SORCS3: variants seen among roughly 807,000 people sequenced by gnomAD.
The protein encoded by SORCS3 is sortilin related VPS10 domain containing receptor 3.
SORCS3 carries 57 observed loss-of-function variants against 146.3 expected under a neutral mutation model. That is an observed-to-expected ratio of 0.39 (90% CI 0.31 to 0.49). The LOEUF is 0.49. Ranked by LOEUF, SORCS3 falls within the 20% of genes least tolerant of loss-of-function variation. SORCS3 has a pLI of 0.92. For missense variants in SORCS3, 1,341 were observed against 1,575.5 expected (o/e 0.85, Z 2.52); for synonymous variants, 653 against 618.5 (o/e 1.06, Z -0.83).
chr10:105,249,768 C>T (rs368490863), intron 22 of SORCS3, among the ~76,000 whole-genome samples: 1 of 151,942 alleles, frequency 6.6e-6, no homozygotes, highest in Non-Finnish European at 1.5e-5. Flanking sequence ...TGCTGGTAGT[C>T]CCAGCTACTC....
chr10:104,943,685 AT>A (rs1357456898), intron 3 of SORCS3, among the ~76,000 whole-genome samples: 1 of 152,206 alleles, frequency 6.6e-6, no homozygotes, highest in Admixed American at 6.5e-5. Flanking sequence ...GGAAATTCTA[AT>A]GGACTTTTTC....
intron 7 of SORCS3, among the ~76,000 whole-genome samples, chr10:105,121,155 T>C (rs546615697): frequency 4.6e-5 from 7 of 152,180 alleles, no homozygotes; most frequent in Non-Finnish European, 1.0e-4. Context: ...TCCAAAGCAA[T>C]GGTTATTTGG....
chr10:104,741,700 G>GTTTT lies in SORCS3; in HGVS notation c.627+99775_627+99778dup, dbSNP rs71022746. ...CTTTCCTCTTTCCTTTCCATTCTGG[G>GTTTT]TTTTTTTTTTTTTTTTTTTTTTTTT... On this transcript the variant is annotated intron_variant, in intron 1 of 26. Transcript: ENST00000369701. Among the ~76,000 whole-genome samples the GTTTT allele has an allele frequency of 5.2e-3, 17 of 3,264 alleles. 5 individuals are homozygous for GTTTT. The highest frequency in any genetic ancestry group is 7.9e-3 in the Non-Finnish European group (14 of 1,782). 2.1% of individuals were successfully genotyped at this position (3,264 alleles called of 152,430 possible).
At chr10:105,231,504 T>G (rs2056765425) in intron 20 of SORCS3, among the ~76,000 whole-genome samples, 1 of 152,198 alleles carries the variant, frequency 6.6e-6, no homozygotes, top group Non-Finnish European at 1.5e-5. Context: ...ATATAACTTT[T>G]GTTTATTTTC....
chr10:104,995,251 C>T (rs1188322978), intron 4 of SORCS3, among the ~76,000 whole-genome samples: 2 of 151,406 alleles, frequency 1.3e-5, no homozygotes, highest in African/African-American at 4.9e-5. Flanking sequence ...ACTTTGCCTC[C>T]CGGGTTCAAG....
intron 5 of SORCS3, among the ~76,000 whole-genome samples, chr10:105,079,277 G>A (rs2055608234): frequency 6.6e-6 from 1 of 152,144 alleles, no homozygotes; most frequent in African/African-American, 2.4e-5. Flanking sequence ...CTGGAAGTAG[G>A]GCCTATGCAT....
At chr10:104,793,282 C>T (rs374450564) in intron 1 of SORCS3, among the ~76,000 whole-genome samples, 1 of 152,044 alleles carries the variant, frequency 6.6e-6, no homozygotes, top group Non-Finnish European at 1.5e-5. Flanking sequence ...AGCCAGTAAC[C>T]CGTGAACCTA....
chr10:105,217,402 A>G (rs2056672040), intron 19 of SORCS3, among the ~76,000 whole-genome samples: 1 of 152,168 alleles, frequency 6.6e-6, no homozygotes, highest in Non-Finnish European at 1.5e-5. Context: ...ATTCAGGTAA[A>G]AGTCTCCTCT....
chr10:105,183,141 G>A (rs1473066625), intron 14 of SORCS3, among the ~76,000 whole-genome samples: 1 of 152,206 alleles, frequency 6.6e-6, no homozygotes, highest in Non-Finnish European at 1.5e-5. Context: ...GAGCAGACAT[G>A]GAGTGGTAGG....
At chr10:105,194,331 CA>C (rs1349252145) in intron 14 of SORCS3, among the ~76,000 whole-genome samples, 1 of 152,138 alleles carries the variant, frequency 6.6e-6, no homozygotes, top group Non-Finnish European at 1.5e-5. Context: ...AGGATTCCAA[CA>C]GTAAAAATGA....
At chr10:105,235,436 C>G (rs1017948971) in intron 20 of SORCS3, among the ~76,000 whole-genome samples, 20 of 141,232 alleles carry the variant, frequency 1.4e-4, no homozygotes, top group Non-Finnish European at 2.5e-4. Flanking sequence ...AACTCTCAGA[C>G]TGTGTGTGTG....
At chr10:105,224,700 A>C (rs1416939170) in intron 20 of SORCS3, among the ~76,000 whole-genome samples, 2 of 152,224 alleles carry the variant, frequency 1.3e-5, no homozygotes, top group East Asian at 1.9e-4. Flanking sequence ...TTGGATTTCC[A>C]CCACCAATGA....
At chr10:104,802,977 A>G (rs954840760) in intron 1 of SORCS3, among the ~76,000 whole-genome samples, 10 of 151,466 alleles carry the variant, frequency 6.6e-5, no homozygotes, top group African/African-American at 9.7e-5. Context: ...GAGGGGAGGT[A>G]GTTCTGCTCC....
chr10:105,021,708 G>C (rs755785258), intron 4 of SORCS3, among the ~76,000 whole-genome samples: 3 of 152,078 alleles, frequency 2.0e-5, no homozygotes, highest in Non-Finnish European at 4.4e-5. Flanking sequence ...GCCCTTACAA[G>C]TACCAGGAAG....
At chr10:105,160,928 G>T (rs2056256782) in intron 11 of SORCS3, among the ~76,000 whole-genome samples, 1 of 152,082 alleles carries the variant, frequency 6.6e-6, no homozygotes, top group African/African-American at 2.4e-5. Flanking sequence ...TAAAACTGTG[G>T]GGGTGTTGTA....
intron 5 of SORCS3, among the ~76,000 whole-genome samples, chr10:105,068,532 GCTT>G (rs1416417837): frequency 4.6e-5 from 7 of 152,002 alleles, no homozygotes; most frequent in Admixed American, 3.9e-4. Context: ...GTCCTTTATG[GCTT>G]CTTCTTGTTT....
At chr10:104,884,333 C>T (rs909154655) in intron 2 of SORCS3, among the ~76,000 whole-genome samples, 4 of 152,094 alleles carry the variant, frequency 2.6e-5, no homozygotes, top group African/African-American at 9.7e-5. Context: ...GCTGGCTTAC[C>T]CTGGAGGAGA....
intron 1 of SORCS3, among the ~76,000 whole-genome samples, chr10:104,812,637 C>T (rs1021949007): frequency 2.6e-5 from 4 of 152,196 alleles, no homozygotes; most frequent in African/African-American, 9.7e-5. Context: ...AAAACTCCAG[C>T]CCCTAATGGG....
chr10:104,957,554 AACACAC>A (rs10660859), intron 3 of SORCS3, among the ~76,000 whole-genome samples: 3 of 148,370 alleles, frequency 2.0e-5, no homozygotes, highest in African/African-American at 5.0e-5. Flanking sequence ...AAGGAAAGAA[AACACAC>A]ACACACACAC....
Sources: allele counts gnomAD v4.1 joint callset (sites outside exome capture counted in the v4.1 genomes callset), GRCh38; gene constraint gnomAD v4.1.1; transcripts MANE v1.5; gene names NCBI Gene and HGNC (gene_info 2026-07-23, HGNC 2026-07-21).